The following ACYP2 variants were observed in gnomAD, a reference collection of about 807,000 sequenced individuals.
ACYP2 encodes the protein acylphosphatase 2.
ACYP2 carries 12 observed loss-of-function variants against 11.2 expected under a neutral mutation model. The observed-to-expected ratio is 1.08, with a 90% CI of 0.69 to 1.74. The LOEUF (loss-of-function observed/expected upper bound fraction) is 1.74, where lower values mean the gene tolerates loss of function less well. ACYP2 is among the 40% of genes most tolerant of loss of function. The pLI, the probability that ACYP2 is intolerant of heterozygous loss-of-function variation, is 0.00. For synonymous variants in ACYP2, 43 were observed against 32.2 expected (o/e 1.33, Z -1.13); for missense variants, 134 against 101.9 (o/e 1.31, Z -1.35).
chr2:54,016,936 A>G (rs977340220), intron 2 of ACYP2, among the ~76,000 whole-genome samples: 2 of 152,036 alleles, frequency 1.3e-5, no homozygotes, highest in Admixed American at 6.6e-5. Flanking sequence ...CGTGTTAGCC[A>G]GGATGGTCTC....
chr2:54,103,489 T>C (rs1313864849), intron 4 of ACYP2, among the ~76,000 whole-genome samples: 1 of 152,220 alleles, frequency 6.6e-6, no homozygotes, highest in Non-Finnish European at 1.5e-5. Flanking sequence ...CCTAACTTTG[T>C]TATTTACATT....
At chr2:54,130,543 T>C (rs113941910) in intron 4 of ACYP2, among the ~76,000 whole-genome samples, 11 of 152,234 alleles carry the variant, frequency 7.2e-5, no homozygotes, top group African/African-American at 2.6e-4. Context: ...GAGAATACAC[T>C]GTAAGGGGGG....
intron 6 of ACYP2, among the ~76,000 whole-genome samples, chr2:54,215,709 G>A (rs1488339916): frequency 2.0e-5 from 3 of 151,986 alleles, no homozygotes; most frequent in Non-Finnish European, 4.4e-5. Context: ...GCATAGTTAG[G>A]TGTAATCATT....
chr2:54,121,637 A>G (rs1289540207), intron 4 of ACYP2, among the ~76,000 whole-genome samples: 2 of 152,236 alleles, frequency 1.3e-5, no homozygotes, highest in Non-Finnish European at 2.9e-5. Context: ...TAGAGGTTGA[A>G]AATATTAAGT....
chr2:54,038,882 C>T (rs1675063238), intron 2 of ACYP2, among the ~76,000 whole-genome samples: 7 of 150,648 alleles, frequency 4.6e-5, no homozygotes, highest in Admixed American at 3.3e-4. Flanking sequence ...AAAGTAAAGC[C>T]AGTAAGTGGG....
chr2:54,165,783 A>G (rs935363743), intron 6 of ACYP2, among the ~76,000 whole-genome samples: 5 of 152,136 alleles, frequency 3.3e-5, no homozygotes, highest in Non-Finnish European at 5.9e-5. Context: ...AGGGAAAGTC[A>G]GTGCATCTTG....
intron 2 of ACYP2, among the ~76,000 whole-genome samples, chr2:54,002,354 T>G (rs1036213288): frequency 6.6e-6 from 1 of 151,938 alleles, no homozygotes; most frequent in Non-Finnish European, 1.5e-5. Flanking sequence ...TTCTTTCTTT[T>G]TTTTTTTTTG....
At chr2:54,291,606 G>A (rs1031380808) in intron 6 of ACYP2, among the ~76,000 whole-genome samples, 1 of 152,146 alleles carries the variant, frequency 6.6e-6, no homozygotes, top group East Asian at 1.9e-4. Context: ...ATTAATCAGA[G>A]GTATTCCTGT....
intron 2 of ACYP2, among the ~76,000 whole-genome samples, chr2:54,045,733 G>A (rs868323985): frequency 4.5e-4 from 68 of 151,072 alleles, no homozygotes; most frequent in African/African-American, 1.1e-3. Context: ...GGAGAATGGC[G>A]GGAACCTGGG....
intron 4 of ACYP2, among the ~76,000 whole-genome samples, chr2:54,095,872 G>A (rs1480655810): frequency 3.1e-4 from 1 of 3,192 alleles, no homozygotes; most frequent in Non-Finnish European, 6.5e-4. Context: ...CCGGGCAGAG[G>A]TGCCCCTCAC....
At chr2:54,151,783 G>A (rs754566810) in intron 6 of ACYP2, among the ~76,000 whole-genome samples, 1 of 152,118 alleles carries the variant, frequency 6.6e-6, no homozygotes, top group African/African-American at 2.4e-5. Context: ...TTATATATGT[G>A]CATTTAGTAA....
chr2:54,138,141 T>A (rs373947171), intron 5 of ACYP2, among the ~76,000 whole-genome samples: 25 of 152,336 alleles, frequency 1.6e-4, no homozygotes, highest in African/African-American at 5.8e-4. Flanking sequence ...AATTTTCTTA[T>A]TAAAATGATT....
rs182053943 is a variant in ACYP2, at chr2:54,256,177, G to A, written c.405-48511G>A. 151 of 1,591,206 alleles carry A rather than the reference G, an allele frequency of 9.5e-5. 2 individuals are homozygous for A. Among genetic ancestry groups the A allele is most frequent in the African/African-American group, 6.2e-4 (46 of 74,410 alleles). The stretch of plus-strand genomic sequence containing the variant: ...GTTGGTAGCGGCCAGGGCAGCAGTG[G>A]GTAGAGGCCAGGCCAGAGGTAGGTA... On this transcript the variant is annotated intron_variant, in intron 6 of 6. Transcript: ENST00000607452.
At chr2:54,208,986 CTT>C (rs60260017) in intron 6 of ACYP2, among the ~76,000 whole-genome samples, 36,155 of 145,454 alleles carry the variant, frequency 0.25, 4,508 homozygotes, top group East Asian at 0.4. Flanking sequence ...TTTGCTTTTA[CTT>C]TTTTTTTTTG....
intron 6 of ACYP2, among the ~76,000 whole-genome samples, chr2:54,236,720 A>T (rs1274272045): frequency 6.6e-6 from 1 of 152,156 alleles, no homozygotes; most frequent in East Asian, 1.9e-4. Flanking sequence ...GTATTGTTCA[A>T]ATTTTACATA....
Position 54,051,025 on chromosome 2 carries a change from G to T in ACYP2, c.130G>T (p.Gly44Cys). 2.2e-6 allele frequency: 1 copy of T among 452,610 alleles called. No homozygotes were observed. The highest frequency in any genetic ancestry group is 4.0e-5 in the Admixed American group (1 of 25,290). The allele number at this position is 452,610 out of a possible 1,614,324, so 28.0% of individuals were successfully genotyped here. A position where few individuals can be genotyped will look rare whatever the true frequency, so the allele number is the denominator to read the frequency against. Residue 44 changes from glycine (G) to cysteine (C), a missense_variant, in exon 3 of 7, where the codon GGC becomes TGC. Gly to Cys is a radical substitution (Grantham distance 159). Transcript: ENST00000607452. ...TAATGTCAAGCTATCCTCCTGCCTC[G>T]GCCTCCCATGCTGTTGGGATTACAG... is the stretch of plus-strand genomic sequence containing the variant.
rs58842257 is a variant in ACYP2, at chr2:54,102,638, C to CAAAAAAAAAAAAAAAAAAAAA, written c.278-32799_278-32779dup. On this transcript the variant is annotated intron_variant, in intron 4 of 6. Transcript: ENST00000607452. ...AAACCCAATTTAAGCTGGCTTAAGC[C>CAAAAAAAAAAAAAAAAAAAAA]AAAAAAAAAAAAAAAAAAAAAAAAA... is the stretch of plus-strand genomic sequence containing the variant. Among the ~76,000 whole-genome samples, 5 of 83,330 alleles carry CAAAAAAAAAAAAAAAAAAAAA rather than the reference C, an allele frequency of 6.0e-5. 1 individual carries two copies. The highest frequency in any genetic ancestry group is 1.2e-4 in the Non-Finnish European group (5 of 43,292). 54.7% of individuals were successfully genotyped at this position (83,330 alleles called of 152,430 possible).
intron 2 of ACYP2, among the ~76,000 whole-genome samples, chr2:54,004,132 C>T (rs139827853): frequency 8.8e-4 from 134 of 152,058 alleles, no homozygotes; most frequent in African/African-American, 2.7e-3. Context: ...CACAGACATG[C>T]GCCGCCATGC....
At chr2:54,205,798 G>A (rs958321468) in intron 6 of ACYP2, among the ~76,000 whole-genome samples, 1 of 152,150 alleles carries the variant, frequency 6.6e-6, no homozygotes, top group Non-Finnish European at 1.5e-5. Flanking sequence ...AGATTTACCA[G>A]AGTGTTTGCA....
Sources: allele counts gnomAD v4.1 joint callset (sites outside exome capture counted in the v4.1 genomes callset), GRCh38; gene constraint gnomAD v4.1.1; transcripts MANE v1.5; gene names NCBI Gene and HGNC (gene_info 2026-07-23, HGNC 2026-07-21).